SLC44A1: variants seen among roughly 807,000 people sequenced by gnomAD.
SLC44A1 encodes the protein solute carrier family 44 member 1.
SLC44A1 carries 26 observed loss-of-function variants against 79.3 expected under a neutral mutation model. That is an observed-to-expected ratio of 0.33 (90% CI 0.24 to 0.46). SLC44A1 has a LOEUF of 0.46. SLC44A1 is among the 20% of genes least tolerant of loss of function. The pLI, the probability that SLC44A1 is intolerant of heterozygous loss-of-function variation, is 1.00. For missense variants in SLC44A1, 688 were observed against 798.1 expected (o/e 0.86, Z 1.66); for synonymous variants, 263 against 286.2 (o/e 0.92, Z 0.82).
At chr9:105,341,659 T>C (rs1827096453) in intron 4 of SLC44A1, among the ~76,000 whole-genome samples, 2 of 152,296 alleles carry the variant, frequency 1.3e-5, no homozygotes, top group South Asian at 4.1e-4. Flanking sequence ...GATAAGTAGA[T>C]ATCCATAAAT....
intron 3 of SLC44A1, among the ~76,000 whole-genome samples, chr9:105,312,884 G>C (rs892458183): frequency 2.0e-5 from 3 of 152,278 alleles, no homozygotes; most frequent in African/African-American, 7.2e-5. Context: ...ATAAGATTAA[G>C]TTGTTTAAAA....
rs138843292 is a variant in SLC44A1, at chr9:105,246,538, T to A, written c.36+1634T>A. ...AAGGAGAGGCTTGGTATATCAGAGT[T>A]TTCATATTAACATATAAAGGTGTAG... On this transcript the variant is annotated intron_variant, in intron 1 of 15. Transcript: ENST00000374720. Among the ~76,000 whole-genome samples the A allele has an allele frequency of 4.0e-3, 607 of 152,270 alleles. 3 individuals carry two copies. The highest frequency in any genetic ancestry group is 0.014 in the African/African-American group (574 of 41,560).
At chr9:105,276,336 A>T (rs1830200311) in intron 1 of SLC44A1, among the ~76,000 whole-genome samples, 1 of 152,180 alleles carries the variant, frequency 6.6e-6, no homozygotes, top group African/African-American at 2.4e-5. Context: ...TCAATCTGTC[A>T]CTGCTTTCAT....
At chr9:105,371,466 G>A (rs1296289367) in intron 12 of SLC44A1, among the ~76,000 whole-genome samples, 2 of 150,974 alleles carry the variant, frequency 1.3e-5, no homozygotes, top group Non-Finnish European at 1.5e-5. Flanking sequence ...GGTGGCTCAC[G>A]CCTGTAATCC....
At chr9:105,420,135 A>G (rs981737447) in intron 15 of SLC44A1, among the ~76,000 whole-genome samples, 2 of 152,102 alleles carry the variant, frequency 1.3e-5, no homozygotes, top group African/African-American at 4.8e-5. Flanking sequence ...GAACAAATGC[A>G]TGGTCTCCAA....
chr9:105,326,717 A>G (rs1826588633), intron 3 of SLC44A1, among the ~76,000 whole-genome samples: 2 of 152,186 alleles, frequency 1.3e-5, no homozygotes, highest in African/African-American at 4.8e-5. Flanking sequence ...AGGCTCACAG[A>G]TTTCACCCAG....
chr9:105,438,197 C>A, intron 15 of SLC44A1: 1 of 1,128,500 alleles, frequency 8.9e-7, no homozygotes. Flanking sequence ...GACGATCCCA[C>A]ACTATTTCTA....
intron 15 of SLC44A1, among the ~76,000 whole-genome samples, chr9:105,433,083 G>A (rs1829418386): frequency 6.6e-6 from 1 of 152,034 alleles, no homozygotes; most frequent in Admixed American, 6.6e-5. Flanking sequence ...ATCACCTGAG[G>A]CCAGGAGTTC....
rs11297763 is a variant in SLC44A1, at chr9:105,377,761, T to TA, written c.1632+3038dup. 6.1e-3 allele frequency among the ~76,000 whole-genome samples: 889 copies of TA among 144,880 alleles called. 2 individuals carry two copies. Among genetic ancestry groups the TA allele is most frequent in the Non-Finnish European group, 9.3e-3 (608 of 65,434 alleles). On this transcript the variant is annotated intron_variant, in intron 13 of 15. Coordinates refer to ENST00000374720, the MANE Select transcript of SLC44A1 (RefSeq NM_080546.5). ...TAGGCGACAGAGCAAGACTCTGTCT[T>TA]AAAAAAAAAAAAGAGAAGAATATAA... is the stretch of plus-strand genomic sequence containing the variant.
chr9:105,386,432 A>T lies in SLC44A1; in HGVS notation c.1950+930A>T, dbSNP rs1032966666. ...CATATAATGTTCAAAAGTGTGAGGT[A>T]AGGACTTTCCTTTCTGTCTTCTTTA... On this transcript the variant is annotated intron_variant, in intron 15 of 15. Transcript: ENST00000374720. 3 of 983,982 alleles carry T rather than the reference A, an allele frequency of 3.0e-6. No homozygotes were observed. The African/African-American group carries it at 5.2e-5, about 17-fold the overall frequency. 61.0% of individuals were successfully genotyped at this position (983,982 alleles called of 1,614,324 possible). A position where few individuals can be genotyped will look rare whatever the true frequency, so the allele number is the denominator to read the frequency against.
At chr9:105,259,620 T>G (rs1176520832) in intron 1 of SLC44A1, among the ~76,000 whole-genome samples, 1 of 152,230 alleles carries the variant, frequency 6.6e-6, no homozygotes, top group Admixed American at 6.5e-5. Flanking sequence ...TTTCCAAATC[T>G]ATTTTGCATG....
At chr9:105,267,656 G>A (rs1278245095) in intron 1 of SLC44A1, among the ~76,000 whole-genome samples, 1 of 151,992 alleles carries the variant, frequency 6.6e-6, no homozygotes, top group Non-Finnish European at 1.5e-5. Context: ...CTCTCTGTGT[G>A]TGTTTTAATT....
At chr9:105,414,297 C>T (rs62575088) in intron 15 of SLC44A1, among the ~76,000 whole-genome samples, 5 of 152,034 alleles carry the variant, frequency 3.3e-5, no homozygotes, top group Non-Finnish European at 7.4e-5. Flanking sequence ...TCTCGTGATC[C>T]GCCCGCCTCG....
intron 15 of SLC44A1, among the ~76,000 whole-genome samples, chr9:105,420,412 AC>A (rs1321251988): frequency 3.3e-5 from 5 of 152,298 alleles, no homozygotes; most frequent in Non-Finnish European, 1.5e-5. Flanking sequence ...TGTCCCGGAG[AC>A]ATGTGCATGG....
intron 15 of SLC44A1, among the ~76,000 whole-genome samples, chr9:105,408,659 C>T (rs1005164115): frequency 1.3e-5 from 2 of 152,194 alleles, no homozygotes; most frequent in Non-Finnish European, 2.9e-5. Flanking sequence ...GATCCACCCA[C>T]CTCGGCTTCC....
chr9:105,245,961 A>G (rs1280777003), intron 1 of SLC44A1, among the ~76,000 whole-genome samples: 4 of 152,248 alleles, frequency 2.6e-5, no homozygotes, highest in Non-Finnish European at 2.9e-5. Context: ...AAAAGCAATC[A>G]GGAATACTGC....
chr9:105,415,088 T>C (rs1829150497), intron 15 of SLC44A1, among the ~76,000 whole-genome samples: 2 of 152,090 alleles, frequency 1.3e-5, no homozygotes, highest in Admixed American at 6.6e-5. Context: ...CTGCACAACT[T>C]TGTGAAGGTA....
rs71494512 is a variant in SLC44A1, at chr9:105,256,736, T to C, written c.36+11832T>C. ...CACTACCACGCCCAGCTAATTTTTG[T>C]ATTATTTTTATTTTATTTTATTTTA... On this transcript the variant is annotated intron_variant, in intron 1 of 15. Coordinates refer to ENST00000374720, the MANE Select transcript of SLC44A1 (RefSeq NM_080546.5). 1.2e-3 allele frequency among the ~76,000 whole-genome samples: 163 copies of C among 139,654 alleles called. 1 individual carries two copies. The highest frequency in any genetic ancestry group is 4.2e-3 in the African/African-American group (159 of 37,450). 91.6% of individuals were successfully genotyped at this position (139,654 alleles called of 152,430 possible).
chr9:105,258,031 C>T (rs1829751880), intron 1 of SLC44A1, among the ~76,000 whole-genome samples: 1 of 152,154 alleles, frequency 6.6e-6, no homozygotes. Context: ...TAACTCATAC[C>T]AGTGTAAACA....
Sources: allele counts gnomAD v4.1 joint callset (sites outside exome capture counted in the v4.1 genomes callset), GRCh38; gene constraint gnomAD v4.1.1; transcripts MANE v1.5; gene names NCBI Gene and HGNC (gene_info 2026-07-23, HGNC 2026-07-21).